PPP1R2: variants seen among roughly 807,000 people sequenced by gnomAD.
PPP1R2 encodes the protein protein phosphatase 1 regulatory inhibitor subunit 2.
PPP1R2 carries 16 observed loss-of-function variants against 29.9 expected under a neutral mutation model. The ratio of observed to expected loss-of-function variants is 0.53; its 90% CI spans 0.36 to 0.81. PPP1R2 has a LOEUF of 0.81. Ranked by LOEUF, PPP1R2 falls within the 30% of genes least tolerant of loss-of-function variation. The pLI, the probability that PPP1R2 is intolerant of heterozygous loss-of-function variation, is 0.00. For synonymous variants in PPP1R2, 76 were observed against 91.5 expected (o/e 0.83, Z 0.96); for missense variants, 197 against 252.7 (o/e 0.78, Z 1.49).
chr3:195,529,467 T>C, intron 2 of PPP1R2: 1 of 182,802 alleles, frequency 5.5e-6, no homozygotes, highest in Non-Finnish European at 1.1e-5. Flanking sequence ...CCCAGATTTC[T>C]ACTTGGGAAG....
chr3:195,516,724 T>G lies in PPP1R2; in HGVS notation c.*172A>C, dbSNP rs1386998373. The G allele has an allele frequency of 3.4e-6, 2 of 596,606 alleles. No individual in the cohort carries two copies. Among genetic ancestry groups the G allele is most frequent in the African/African-American group, 1.9e-5 (1 of 54,024 alleles). The allele number at this position is 596,606 out of a possible 1,614,324, so 37.0% of individuals were successfully genotyped here. ...TAGGCACAAGAATATATATATCGATTAGGCATTTTCAGTCTAATCAGTCTC... is the reference window on the plus strand; with the variant it reads ...TAGGCACAAGAATATATATATCGATGAGGCATTTTCAGTCTAATCAGTCTC... On this transcript the variant is annotated 3_prime_UTR_variant, in exon 6 of 6. Coordinates refer to ENST00000618156, the MANE Select transcript of PPP1R2 (RefSeq NM_006241.8).
chr3:195,536,478 G>A (rs1178743407), intron 1 of PPP1R2, among the ~76,000 whole-genome samples: 3 of 151,888 alleles, frequency 2.0e-5, no homozygotes, highest in African/African-American at 4.8e-5. Context: ...TTGTTTGGGG[G>A]TGCCTGTTAA....
chr3:195,530,274 T>A (rs1719129344), intron 1 of PPP1R2, among the ~76,000 whole-genome samples: 1 of 152,192 alleles, frequency 6.6e-6, no homozygotes, highest in African/African-American at 2.4e-5. Flanking sequence ...CAGTAACTGT[T>A]CGGTAAAAAA....
At chr3:195,525,992 T>C (rs549436837) in intron 2 of PPP1R2, among the ~76,000 whole-genome samples, 4 of 152,344 alleles carry the variant, frequency 2.6e-5, no homozygotes, top group African/African-American at 9.6e-5. Flanking sequence ...TACTGAATTA[T>C]GTTTATATAT....
chr3:195,536,921 A>C (rs978322358), intron 1 of PPP1R2, among the ~76,000 whole-genome samples: 1 of 152,070 alleles, frequency 6.6e-6, no homozygotes, highest in Non-Finnish European at 1.5e-5. Context: ...CACATCCTGT[A>C]AATATTTTTT....
intron 1 of PPP1R2, among the ~76,000 whole-genome samples, chr3:195,533,347 G>A (rs867807973): frequency 0.012 from 1,365 of 118,486 alleles, 16 homozygotes; most frequent in African/African-American, 0.037. Flanking sequence ...TCTGCCTCAG[G>A]AAAAAAAAAA....
At chr3:195,530,332 T>G (rs2108947531) in intron 1 of PPP1R2, among the ~76,000 whole-genome samples, 1 of 152,320 alleles carries the variant, frequency 6.6e-6, no homozygotes, top group Middle Eastern at 3.4e-3. Flanking sequence ...GGATATCTGT[T>G]AACACTCAGA....
chr3:195,534,627 G>A (rs561890714), intron 1 of PPP1R2, among the ~76,000 whole-genome samples: 8 of 152,208 alleles, frequency 5.3e-5, no homozygotes, highest in Non-Finnish European at 7.4e-5. Context: ...TCTGGACAAC[G>A]AGAACCCTCC....
At chr3:195,521,506 T>A (rs1368810235) in intron 4 of PPP1R2, among the ~76,000 whole-genome samples, 1 of 152,066 alleles carries the variant, frequency 6.6e-6, no homozygotes, top group East Asian at 1.9e-4. Context: ...TCAATGTTTC[T>A]TTTGGTTTGT....
chr3:195,542,256 A>C (rs1376454009), intron 1 of PPP1R2, among the ~76,000 whole-genome samples: 1 of 152,190 alleles, frequency 6.6e-6, no homozygotes, highest in Non-Finnish European at 1.5e-5. Flanking sequence ...ATTATATTAT[A>C]AATATTACAT....
Position 195,516,319 on chromosome 3 carries a change from C to T in PPP1R2, c.*577G>A, listed in dbSNP as rs1300680996. ...TGATGAGAAAAAGTTCAGTCCTTTC[C>T]TTGTAAACACAAAGAAACTCAACAG... On this transcript the variant is annotated 3_prime_UTR_variant, in exon 6 of 6. Transcript: ENST00000618156. 6.6e-6 allele frequency: 1 copy of T among 152,540 alleles called. No individual in the cohort carries two copies. The highest frequency in any genetic ancestry group is 1.5e-5 in the Non-Finnish European group (1 of 67,952). The allele number at this position is 152,540 out of a possible 1,614,324, so 9.4% of individuals were successfully genotyped here. A position where few individuals can be genotyped will look rare whatever the true frequency, so the allele number is the denominator to read the frequency against.
chr3:195,526,711 C>T (rs1177869113), intron 2 of PPP1R2, among the ~76,000 whole-genome samples: 1 of 152,088 alleles, frequency 6.6e-6, no homozygotes, highest in South Asian at 2.1e-4. Flanking sequence ...ACCTCCAGGG[C>T]TCAGACAGTC....
chr3:195,518,468 G>A (rs1404162545), intron 5 of PPP1R2, among the ~76,000 whole-genome samples: 2 of 152,170 alleles, frequency 1.3e-5, no homozygotes, highest in Non-Finnish European at 2.9e-5. Context: ...TGGCTAACAT[G>A]GTGAAACCCC....
intron 4 of PPP1R2, chr3:195,519,389 T>C: frequency 4.4e-6 from 2 of 455,000 alleles, no homozygotes; most frequent in Non-Finnish European, 7.6e-6. Context: ...CTATCTGGCA[T>C]TCATCTCAAT....
At position 195,543,160 on chromosome 3, in the gene PPP1R2, G is replaced by A; in HGVS notation, c.-135C>T. 13 of 1,215,126 alleles carry A rather than the reference G, an allele frequency of 1.1e-5. No homozygotes were observed. Among genetic ancestry groups the A allele is most frequent in the Non-Finnish European group, 1.4e-5 (13 of 905,194 alleles). 75.3% of individuals were successfully genotyped at this position (1,215,126 alleles called of 1,614,324 possible). A position where few individuals can be genotyped will look rare whatever the true frequency, so the allele number is the denominator to read the frequency against. On this transcript the variant is annotated 5_prime_UTR_variant, in exon 1 of 6. Transcript: ENST00000618156. Reference sequence around the variant, plus strand: ...TAAAGCGGCCGCAACTGCTGCCTCGGAAACGGCTACCGCAGCGGTTGTCAC... The same window carrying A: ...TAAAGCGGCCGCAACTGCTGCCTCGAAAACGGCTACCGCAGCGGTTGTCAC...
intron 1 of PPP1R2, among the ~76,000 whole-genome samples, chr3:195,534,459 A>G (rs985108974): frequency 6.6e-6 from 1 of 152,258 alleles, no homozygotes; most frequent in African/African-American, 2.4e-5. Context: ...AGAAGCAAGC[A>G]TCAGGATTTA....
chr3:195,516,979 A>C, intron 5 of PPP1R2, 37 bp from the exon 6 acceptor site: 1 of 1,564,720 alleles, frequency 6.4e-7, no homozygotes, highest in East Asian at 2.2e-5. Flanking sequence ...ATAATTTGTT[A>C]TATGTTGTCA....
chr3:195,538,576 T>G (rs924737647), intron 1 of PPP1R2, among the ~76,000 whole-genome samples: 2 of 152,184 alleles, frequency 1.3e-5, no homozygotes, highest in East Asian at 1.9e-4. Context: ...CATCCCTTTA[T>G]AGGCAGAAAA....
At chr3:195,527,955 T>C in intron 2 of PPP1R2, 1 of 328,000 alleles carries the variant, frequency 3.0e-6, no homozygotes, top group South Asian at 2.3e-5. Flanking sequence ...CATGCGTATT[T>C]TTTTTTAACT....
Sources: allele counts gnomAD v4.1 joint callset (sites outside exome capture counted in the v4.1 genomes callset), GRCh38; gene constraint gnomAD v4.1.1; transcripts MANE v1.5; gene names NCBI Gene and HGNC (gene_info 2026-07-23, HGNC 2026-07-21).